The following ACSM5 variants were observed in gnomAD, a reference collection of about 807,000 sequenced individuals.
The protein encoded by ACSM5 is acyl-coenzyme A synthetase ACSM5, mitochondrial.
ACSM5 carries 56 observed loss-of-function variants against 71.6 expected under a neutral mutation model. The observed-to-expected ratio is 0.78, with a 90% CI of 0.63 to 0.98. ACSM5 has a LOEUF of 0.98. ACSM5 is among the 50% of genes least tolerant of loss of function. The pLI is 0.00. For synonymous variants in ACSM5, 285 were observed against 281.5 expected, an observed-to-expected ratio of 1.01 and a Z score of -0.12; for missense variants, 723 against 726.0, an observed-to-expected ratio of 1.00 and a Z score of 0.05.
At chr16:20,424,913 G>A (rs1014226485) in intron 6 of ACSM5, among the ~76,000 whole-genome samples, 4 of 152,232 alleles carry the variant, frequency 2.6e-5, no homozygotes, top group Admixed American at 2.0e-4. Flanking sequence ...GAGATGTTTT[G>A]ATGTAGGCAT....
At chr16:20,430,810 AAAG>A (rs886127227) in intron 8 of ACSM5, among the ~76,000 whole-genome samples, 180 bp from the exon 9 acceptor site, 7 of 146,086 alleles carry the variant, frequency 4.8e-5, no homozygotes, top group South Asian at 2.3e-4. Flanking sequence ...AGAAAAAAGA[AAAG>A]AAAGAAGGGA....
intron 2 of ACSM5, among the ~76,000 whole-genome samples, chr16:20,412,641 C>G (rs1206518965): frequency 1.3e-5 from 2 of 152,152 alleles, no homozygotes; most frequent in East Asian, 3.9e-4. Flanking sequence ...GAAGCTTAAC[C>G]AATGAGAAAA....
At position 20,423,765 on chromosome 16, in the gene ACSM5, A is replaced by G. The variant is rs1230829860; in HGVS notation, c.768-151A>G. The G allele has an allele frequency of 3.4e-6, 3 of 887,558 alleles. No homozygotes were observed. In the East Asian group the frequency reaches 7.4e-5, roughly 22 times the overall value. 55.0% of individuals were successfully genotyped at this position (887,558 alleles called of 1,614,324 possible). On this transcript the variant is annotated intron_variant, in intron 5 of 13. Transcript: ENST00000331849. ...AGGTACATGGAAGATGCTGGTTGAG[A>G]CAATAGTTGACTTGATGGTCTTGTT... is the stretch of plus-strand genomic sequence containing the variant.
intron 10 of ACSM5, among the ~76,000 whole-genome samples, chr16:20,431,605 G>T (rs573386225): frequency 3.2e-4 from 48 of 152,206 alleles, no homozygotes; most frequent in Admixed American, 5.2e-4. Context: ...GGGCAGCACT[G>T]TTGTTTTAAT....
At position 20,419,413 on chromosome 16, in the gene ACSM5, T is replaced by C; in HGVS notation, c.601T>C (p.Leu201=). Residue 201 remains leucine (L), a synonymous_variant, in exon 4 of 14, where the codon TTG becomes CTG. Transcript: ENST00000331849. ...GTCAGACAGCAGTCGGCCAGGCTGG[T>C]TGAACTTCAGGGAACTCCTCCGGTG... The part of the protein sequence containing the change: ...LVSDSSRPGW[L]NFRELLREAS... 2 of 1,614,130 alleles carry C rather than the reference T, an allele frequency of 1.2e-6. No homozygotes were observed. Among genetic ancestry groups the C allele is most frequent in the Non-Finnish European group, 1.7e-6 (2 of 1,180,014 alleles).
rs1347914162 is a variant in ACSM5 at position 20,419,321 on chromosome 16, A to T, written c.509A>T (p.Asp170Val). The T allele has an allele frequency of 5.6e-6, 9 of 1,613,594 alleles. No individual in the cohort carries two copies. The highest frequency in any genetic ancestry group is 7.6e-6 in the Non-Finnish European group (9 of 1,179,954). The change falls in exon 4 of 14, where the codon GAC (aspartate) becomes GTC (valine). Residue 170 changes from aspartate to valine, a missense_variant. Transcript: ENST00000331849. ...AGGGCCAAGTCCATTATCACCAGTG[A>T]CTCCCTAGCTCCAAGGGTGGATGCC... ...ASRAKSIITS[D>V]SLAPRVDAIS...
chr16:20,418,751 C>G (rs1444716697), intron 3 of ACSM5, among the ~76,000 whole-genome samples: 1 of 152,052 alleles, frequency 6.6e-6, no homozygotes, highest in Non-Finnish European at 1.5e-5. Context: ...AGAATTTTAC[C>G]CGAACGATGC....
Position 20,409,611 on chromosome 16 carries a change from G to C in ACSM5, c.-70G>C, listed in dbSNP as rs552899955. 7 of 152,252 alleles carry C rather than the reference G, an allele frequency of 4.6e-5. No homozygotes were observed. Among genetic ancestry groups the C allele is most frequent in the African/African-American group, 1.7e-4 (7 of 41,532 alleles). The allele number at this position is 152,252 out of a possible 1,614,324, so 9.4% of individuals were successfully genotyped here. On this transcript the variant is annotated 5_prime_UTR_variant, in exon 1 of 14. Transcript: ENST00000331849. ...GTTTACAGCCACTCAGCCCTGCTCT[G>C]CTCAGCTGAAGCAGAAAACAGAGAC...
At chr16:20,412,047 T>G (rs1966848849) in intron 2 of ACSM5, 1 of 276,550 alleles carries the variant, frequency 3.6e-6, no homozygotes, top group African/African-American at 2.2e-5. Context: ...GCCCTTCTCT[T>G]CTAAATAAGG....
At chr16:20,422,236 C>A (rs1398838038) in intron 5 of ACSM5, among the ~76,000 whole-genome samples, 1 of 152,108 alleles carries the variant, frequency 6.6e-6, no homozygotes, top group African/African-American at 2.4e-5. Flanking sequence ...CTCAGCCTCC[C>A]AGATAGCTGG....
At chr16:20,434,985 C>T (rs375380452) in intron 10 of ACSM5, among the ~76,000 whole-genome samples, 1 of 152,166 alleles carries the variant, frequency 6.6e-6, no homozygotes, top group African/African-American at 2.4e-5. Context: ...ATTGTATTGC[C>T]TATAAAACAA....
rs902412709 is a variant in ACSM5, at chr16:20,436,902, C to G, written c.1309-150C>G. 53 of 781,582 alleles carry G rather than the reference C, an allele frequency of 6.8e-5. 2 individuals are homozygous for G. The South Asian group carries it at 6.9e-4, about 10-fold the overall frequency. 48.4% of individuals were successfully genotyped at this position (781,582 alleles called of 1,614,324 possible). A position where few individuals can be genotyped will look rare whatever the true frequency, so the allele number is the denominator to read the frequency against. ...ACTAAACAGGGCCATAACTCCCTGTCCATTGGGGAACTCTGGGCAGCCGGG... is the reference window on the plus strand; with the variant it reads ...ACTAAACAGGGCCATAACTCCCTGTGCATTGGGGAACTCTGGGCAGCCGGG... On this transcript the variant is annotated intron_variant, in intron 10 of 13. Coordinates refer to ENST00000331849, the MANE Select transcript of ACSM5 (RefSeq NM_017888.3).
chr16:20,426,258 C>T (rs1231756497), intron 6 of ACSM5, among the ~76,000 whole-genome samples: 5 of 152,216 alleles, frequency 3.3e-5, no homozygotes, highest in Non-Finnish European at 5.9e-5. Flanking sequence ...TATGGACCTT[C>T]TCCTTGCACT....
At chr16:20,432,129 G>A (rs1967111943) in intron 10 of ACSM5, among the ~76,000 whole-genome samples, 1 of 152,070 alleles carries the variant, frequency 6.6e-6, no homozygotes, top group Non-Finnish European at 1.5e-5. Context: ...CTTGGGTGGT[G>A]TTTATGTCGG....
In ACSM5 at chr16:20,429,699, G is replaced by A. The variant is rs1262201745; in HGVS notation, c.1023G>A (p.Arg341=). 2.5e-6 allele frequency: 4 copies of A among 1,613,670 alleles called. No homozygotes were observed. Among genetic ancestry groups the A allele is most frequent in the Non-Finnish European group, 2.5e-6 (3 of 1,179,828 alleles). ...DLTRYQFQSL[R]HCLTGGEALN... ...AAAGGTACCAGTTTCAGAGCCTGAG[G>A]CACTGTCTGACCGGAGGAGAGGCCC... is the stretch of plus-strand genomic sequence containing the variant. Residue 341 remains arginine, a synonymous_variant, in exon 8 of 14, where the codon AGG becomes AGA. Coordinates refer to ENST00000331849, the MANE Select transcript of ACSM5 (RefSeq NM_017888.3).
chr16:20,418,975 G>C (rs781048794), intron 3 of ACSM5, among the ~76,000 whole-genome samples: 4 of 152,134 alleles, frequency 2.6e-5, no homozygotes, highest in African/African-American at 4.8e-5. Context: ...TTCTTAGAAT[G>C]GTTCCTTCAG....
chr16:20,435,238 G>A (rs113883421), intron 10 of ACSM5, among the ~76,000 whole-genome samples: 3 of 152,104 alleles, frequency 2.0e-5, no homozygotes, highest in African/African-American at 7.2e-5. Context: ...TCTCCATGTT[G>A]GCCAGGCTGG....
rs138602370 is a variant in ACSM5, at chr16:20,421,005, T to G, written c.624-253T>G. 5.6e-4 allele frequency: 161 copies of G among 288,510 alleles called. 1 individual carries two copies. The highest frequency in any genetic ancestry group is 3.1e-3 in the African/African-American group (143 of 45,970). 17.9% of individuals were successfully genotyped at this position (288,510 alleles called of 1,614,324 possible). On this transcript the variant is annotated intron_variant, in intron 4 of 13. Coordinates refer to ENST00000331849, the MANE Select transcript of ACSM5 (RefSeq NM_017888.3). ...GTTCTACCAGAAAGTCCTCATACCT[T>G]GGTAAGAAAGCATGGACTCTTTTGC... is the stretch of plus-strand genomic sequence containing the variant.
intron 10 of ACSM5, among the ~76,000 whole-genome samples, 189 bp downstream of exon 10, chr16:20,431,510 G>A (rs535990994): frequency 6.6e-6 from 1 of 152,312 alleles, no homozygotes; most frequent in African/African-American, 2.4e-5. Flanking sequence ...CAAAGGGGAA[G>A]TGACTTATCC....
Sources: gnomAD v4.1 joint callset for allele counts (sites outside exome capture counted in the v4.1 genomes callset) on GRCh38, gnomAD v4.1.1 for gene constraint, MANE v1.5 for transcripts, NCBI Gene and HGNC (gene_info 2026-07-23, HGNC 2026-07-21) for gene names.